Variants in VANGL1 observed in about 807,000 individuals in gnomAD.
VANGL1 encodes the protein vang-like protein 1.
Under a neutral mutation model 48.4 loss-of-function variants are expected in VANGL1, and 18 were observed. The ratio of observed to expected loss-of-function variants is 0.37; its 90% CI spans 0.26 to 0.55. The LOEUF is 0.55. Ranked by LOEUF, VANGL1 falls within the 20% of genes least tolerant of loss-of-function variation. The pLI is 0.81. For synonymous variants in VANGL1, 257 were observed against 261.8 expected, an observed-to-expected ratio of 0.98 and a Z score of 0.18; for missense variants, 667 against 675.8, an observed-to-expected ratio of 0.99 and a Z score of 0.14.
chr1:115,665,160 A>G (rs942146673), intron 4 of VANGL1, among the ~76,000 whole-genome samples: 19 of 152,208 alleles, frequency 1.2e-4, no homozygotes, highest in African/African-American at 4.6e-4. Flanking sequence ...CTATTTTTCC[A>G]TCTGTTTTCT....
chr1:115,659,938 G>C (rs1374876597), intron 3 of VANGL1, among the ~76,000 whole-genome samples, 165 bp downstream of exon 3: 1 of 152,162 alleles, frequency 6.6e-6, no homozygotes, highest in African/African-American at 2.4e-5. Context: ...AGCCTGTCCT[G>C]CCCTTTGGTA....
intron 4 of VANGL1, among the ~76,000 whole-genome samples, chr1:115,668,972 G>A (rs2101011652): frequency 6.6e-6 from 1 of 152,340 alleles, no homozygotes; most frequent in Middle Eastern, 3.4e-3. Flanking sequence ...CAAGACAGAG[G>A]CTACTAGGAT....
chr1:115,651,588 C>A (rs1165940948), intron 2 of VANGL1, 104 bp downstream of exon 2: 5 of 973,180 alleles, frequency 5.1e-6, no homozygotes, highest in South Asian at 4.1e-5. Context: ...GACATTTGGT[C>A]GGTTGGTGCA....
At chr1:115,669,555 TAGTG>T (rs1652901747) in intron 4 of VANGL1, among the ~76,000 whole-genome samples, 1 of 152,138 alleles carries the variant, frequency 6.6e-6, no homozygotes, top group Non-Finnish European at 1.5e-5. Context: ...GTTCCTGTGG[TAGTG>T]AGTAAGTCTC....
chr1:115,665,197 C>T (rs779593253), intron 4 of VANGL1, among the ~76,000 whole-genome samples: 6 of 152,194 alleles, frequency 3.9e-5, no homozygotes, highest in Non-Finnish European at 8.8e-5. Flanking sequence ...TCCCTGAGGC[C>T]AGGGGCCACC....
chr1:115,649,497 A>G (rs1203200888), intron 1 of VANGL1, among the ~76,000 whole-genome samples: 2 of 152,246 alleles, frequency 1.3e-5, no homozygotes, highest in East Asian at 3.9e-4. Context: ...CTTCTTTCCA[A>G]GCATTTCTCT....
intron 5 of VANGL1, 127 bp downstream of exon 5, chr1:115,682,624 A>G: frequency 6.9e-7 from 1 of 1,439,836 alleles, no homozygotes; most frequent in Non-Finnish European, 9.6e-7. Flanking sequence ...TTGTTTCAGA[A>G]CAATTTCTCT....
intron 1 of VANGL1, 143 bp downstream of exon 1, chr1:115,642,229 C>G (rs1280037467): frequency 1.3e-5 from 2 of 152,210 alleles, no homozygotes; most frequent in African/African-American, 4.8e-5. Context: ...CCCGGGTGGC[C>G]GGCTCCCGCC....
intron 6 of VANGL1, 56 bp from the exon 7 acceptor site, chr1:115,685,237 T>C: frequency 6.3e-7 from 1 of 1,596,518 alleles, no homozygotes; most frequent in Non-Finnish European, 8.6e-7. Flanking sequence ...GTCATTCTGT[T>C]CTCACACCCT....
rs17034192 is a variant in VANGL1 at position 115,678,596 on chromosome 1, C to T, written c.813-3768C>T. On this transcript the variant is annotated intron_variant, in intron 4 of 7. Coordinates refer to ENST00000355485, the MANE Select transcript of VANGL1 (RefSeq NM_138959.3). ...CGTGGCACAGCTCACTGTTAAGATG[C>T]GTAATCATCATCTGGAGTAATCAAG... Among the ~76,000 whole-genome samples the T allele has an allele frequency of 6.7e-3, 1,023 of 152,260 alleles. 36 individuals carry two copies. The highest frequency in any genetic ancestry group is 0.058 in the Admixed American group (885 of 15,286).
At chr1:115,658,314 A>G (rs4132224) in intron 2 of VANGL1, among the ~76,000 whole-genome samples, 16,459 of 152,174 alleles carry the variant, frequency 0.11, 1,080 homozygotes, top group South Asian at 0.32. Flanking sequence ...TAATAGTTCT[A>G]TTTACATCTC....
chr1:115,681,298 C>T (rs1210859118), intron 4 of VANGL1, among the ~76,000 whole-genome samples: 1 of 152,112 alleles, frequency 6.6e-6, no homozygotes, highest in Non-Finnish European at 1.5e-5. Context: ...CCTCCCACAT[C>T]CTCTCTCCCA....
intron 4 of VANGL1, among the ~76,000 whole-genome samples, chr1:115,678,751 T>C (rs1343556099): frequency 6.6e-6 from 1 of 151,268 alleles, no homozygotes; most frequent in African/African-American, 2.4e-5. Context: ...AGCTCAGGAG[T>C]TCAAGACCAG....
At chr1:115,688,209 T>A (rs567854415) in intron 7 of VANGL1, among the ~76,000 whole-genome samples, 1 of 138,120 alleles carries the variant, frequency 7.2e-6, no homozygotes, top group Admixed American at 7.5e-5. Context: ...TACATACAGA[T>A]CTTACTCATA....
intron 6 of VANGL1, among the ~76,000 whole-genome samples, 171 bp from the exon 7 acceptor site, chr1:115,685,122 T>TCTCCCTTC (rs1201275289): frequency 6.6e-6 from 1 of 152,272 alleles, no homozygotes; most frequent in Admixed American, 6.5e-5. Flanking sequence ...TGCCTTTCTT[T>TCTCCCTTC]CTCCCTTCCT....
At chr1:115,652,039 T>C (rs1264292931) in intron 2 of VANGL1, among the ~76,000 whole-genome samples, 1 of 152,234 alleles carries the variant, frequency 6.6e-6, no homozygotes, top group African/African-American at 2.4e-5. Flanking sequence ...TCGGCTCTCC[T>C]GAAAGCTTTA....
chr1:115,661,553 T>C (rs1259578664), intron 3 of VANGL1, among the ~76,000 whole-genome samples: 1 of 151,626 alleles, frequency 6.6e-6, no homozygotes, highest in Admixed American at 6.6e-5. Context: ...AGTATTCCAT[T>C]GTATCAGTCT....
At chr1:115,686,023 A>G (rs1292340045) in intron 7 of VANGL1, among the ~76,000 whole-genome samples, 1 of 152,132 alleles carries the variant, frequency 6.6e-6, no homozygotes, top group Non-Finnish European at 1.5e-5. Flanking sequence ...GTCCTTATAA[A>G]AAACAGCTAC....
At chr1:115,663,484 T>C (rs1055884964) in intron 3 of VANGL1, among the ~76,000 whole-genome samples, 177 bp from the exon 4 acceptor site, 2 of 152,226 alleles carry the variant, frequency 1.3e-5, no homozygotes, top group Non-Finnish European at 2.9e-5. Flanking sequence ...TTTTGAAAAT[T>C]TCAATGAAAA....
Sources: allele counts gnomAD v4.1 joint callset (sites outside exome capture counted in the v4.1 genomes callset), GRCh38; gene constraint gnomAD v4.1.1; transcripts MANE v1.5; gene names NCBI Gene and HGNC (gene_info 2026-07-23, HGNC 2026-07-21).